The following CENATAC variants were observed in gnomAD, a reference collection of about 807,000 sequenced individuals.
The protein encoded by CENATAC is coiled-coil domain containing 84.
CENATAC carries 53 observed loss-of-function variants against 53.7 expected under a neutral mutation model. The observed-to-expected ratio is 0.99, with a 90% CI of 0.79 to 1.24. The LOEUF is 1.24. Among genes scored for constraint, CENATAC ranks in the 50% most tolerant of loss-of-function variants. CENATAC has a pLI of 0.00. For synonymous variants in CENATAC, 156 were observed against 144.6 expected (o/e 1.08, Z -0.57); for missense variants, 474 against 417.8 (o/e 1.13, Z -1.17).
Position 119,015,374 on chromosome 11 carries a change from G to A in CENATAC, c.873G>A (p.Arg291=), listed in dbSNP as rs1276105829. The change falls in exon 10 of 11, where the codon AGG becomes AGA. Residue 291 remains arginine (R), a synonymous_variant. Transcript: ENST00000334418. ...GGGCCAACTTTGATCACAGCTCCAG[G>A]ACCAGTGCAGGCTGGCTGCCCTCTT... is the stretch of plus-strand genomic sequence containing the variant. The part of the protein sequence containing the change: ...RVGANFDHSS[R]TSAGWLPSFG... 4 of 1,614,202 alleles carry A rather than the reference G, an allele frequency of 2.5e-6. No homozygotes were observed. The highest frequency in any genetic ancestry group is 3.4e-6 in the Non-Finnish European group (4 of 1,180,028).
At chr11:118,999,901 T>A (rs1469938114) in intron 3 of CENATAC, among the ~76,000 whole-genome samples, 1 of 151,978 alleles carries the variant, frequency 6.6e-6, no homozygotes, top group Non-Finnish European at 1.5e-5. Context: ...CTTGGCCTCC[T>A]AAAGTGCTGG....
intron 8 of CENATAC, 39 bp downstream of exon 8, chr11:119,013,301 T>G: frequency 8.9e-7 from 1 of 1,121,222 alleles, no homozygotes; most frequent in Non-Finnish European, 1.2e-6. Flanking sequence ...CCTGGGAGAT[T>G]TTTTTTTTTT....
At chr11:119,015,194 G>A in intron 9 of CENATAC, 111 bp downstream of exon 9, 1 of 1,438,052 alleles carries the variant, frequency 7.0e-7, no homozygotes, top group Non-Finnish European at 9.6e-7. Flanking sequence ...GGGAGGCTGA[G>A]GTGGGAGGGT....
chr11:119,011,533 C>T (rs950148873), intron 5 of CENATAC, among the ~76,000 whole-genome samples: 1 of 152,250 alleles, frequency 6.6e-6, no homozygotes, highest in African/African-American at 2.4e-5. Context: ...GTGCCGCCAC[C>T]ACGCCTGGCT....
intron 4 of CENATAC, 119 bp from the exon 5 acceptor site, chr11:119,011,102 C>A: frequency 1.2e-6 from 1 of 808,676 alleles, no homozygotes; most frequent in Non-Finnish European, 2.0e-6. Context: ...TGCTTCCTGA[C>A]AGGCCACAGA....
intron 5 of CENATAC, among the ~76,000 whole-genome samples, chr11:119,011,639 G>C (rs988284093): frequency 6.6e-6 from 1 of 152,140 alleles, no homozygotes; most frequent in African/African-American, 2.4e-5. Context: ...TCAGCCTGCT[G>C]GAATTACAAG....
chr11:119,013,665 G>A (rs561278716), intron 8 of CENATAC, among the ~76,000 whole-genome samples: 5 of 151,618 alleles, frequency 3.3e-5, no homozygotes, highest in East Asian at 1.9e-4. Context: ...GGGTTTCACC[G>A]TTTTAGCCGG....
intron 3 of CENATAC, chr11:119,010,555 C>G: frequency 1.9e-6 from 1 of 533,244 alleles, no homozygotes; most frequent in South Asian, 3.3e-5. Context: ...TTTGTTTTGG[C>G]AAAAAGGACG....
At chr11:119,011,158 A>G in intron 4 of CENATAC, 63 bp from the exon 5 acceptor site, 1 of 1,394,550 alleles carries the variant, frequency 7.2e-7, no homozygotes. Flanking sequence ...AGTTAAAGGA[A>G]AGGCCTCTGA....
At chr11:119,007,907 C>T (rs1942681973) in intron 3 of CENATAC, among the ~76,000 whole-genome samples, 1 of 152,152 alleles carries the variant, frequency 6.6e-6, no homozygotes, top group Non-Finnish European at 1.5e-5. Context: ...TGGTTTCTTA[C>T]ATAGACAGTG....
chr11:119,015,377 C>A lies in CENATAC; in HGVS notation c.876C>A (p.Thr292=). ...VGANFDHSSR[T]SAGWLPSFGR... Reference sequence around the variant, plus strand: ...CCAACTTTGATCACAGCTCCAGGACCAGTGCAGGCTGGCTGCCCTCTTTTG... The same window carrying A: ...CCAACTTTGATCACAGCTCCAGGACAAGTGCAGGCTGGCTGCCCTCTTTTG... The change falls in exon 10 of 11, where the codon ACC becomes ACA. Residue 292 remains threonine, a synonymous_variant. Coordinates refer to ENST00000334418, the MANE Select transcript of CENATAC (RefSeq NM_198489.3). The A allele has an allele frequency of 6.2e-7, 1 of 1,614,194 alleles. No homozygotes were observed. Among genetic ancestry groups the A allele is most frequent in the Non-Finnish European group, 8.5e-7 (1 of 1,180,026 alleles).
chr11:119,008,610 A>G (rs914257167), intron 3 of CENATAC, among the ~76,000 whole-genome samples: 1 of 152,068 alleles, frequency 6.6e-6, no homozygotes, highest in Non-Finnish European at 1.5e-5. Flanking sequence ...CAAGCAGGAG[A>G]TAGTGGCCTT....
intron 3 of CENATAC, among the ~76,000 whole-genome samples, chr11:119,001,000 A>G (rs965274916): frequency 1.3e-5 from 2 of 152,168 alleles, no homozygotes; most frequent in African/African-American, 2.4e-5. Context: ...CAAACAATTC[A>G]GCTTTTTCTT....
chr11:119,012,252 C>T lies in CENATAC; in HGVS notation c.682C>T (p.Gln228Ter). The T allele has an allele frequency of 6.2e-7, 1 of 1,614,100 alleles. No homozygotes were observed. Among genetic ancestry groups the T allele is most frequent in the Non-Finnish European group, 8.5e-7 (1 of 1,180,014 alleles). Residue 228 changes from glutamine to a stop codon, truncating the protein, a stop_gained and splice_region_variant, in exon 7 of 11, where the codon CAG (glutamine) becomes TAG (stop). Coordinates refer to ENST00000334418, the MANE Select transcript of CENATAC (RefSeq NM_198489.3). LOFTEE classifies it high-confidence loss of function. ...TGPSLTFIGH[Q>*]DIPGVGNIHS... ...ACCATCTCTGACATTCATTGGCCATCAGGTACAAAGGATAAGCAAGCCAGA... is the reference window on the plus strand; with the variant it reads ...ACCATCTCTGACATTCATTGGCCATTAGGTACAAAGGATAAGCAAGCCAGA...
At chr11:119,002,216 C>G (rs1267876135) in intron 3 of CENATAC, among the ~76,000 whole-genome samples, 1 of 106,738 alleles carries the variant, frequency 9.4e-6, no homozygotes, top group Admixed American at 1.2e-4. Context: ...AAGAGCAAAA[C>G]TCTGTCTCAA....
At chr11:119,014,623 T>A (rs1038605787) in intron 8 of CENATAC, 1 of 158,476 alleles carries the variant, frequency 6.3e-6, no homozygotes, top group Admixed American at 6.4e-5. Context: ...CAGAAAATCC[T>A]AAAAAATACA....
rs1247629995 is a variant in CENATAC, at chr11:119,013,276, C to T, written c.715+14C>T. On this transcript the variant is annotated intron_variant, in intron 8 of 10. Coordinates refer to ENST00000334418, the MANE Select transcript of CENATAC (RefSeq NM_198489.3). ...ACATCCACTCAGGTAAGGTCCAGGG[C>T]AGTGTTTTTAAAACCCTGGGAGATT... The T allele has an allele frequency of 1.7e-5, 27 of 1,590,358 alleles. No homozygotes were observed. Among genetic ancestry groups the T allele is most frequent in the Non-Finnish European group, 2.3e-5 (27 of 1,169,502 alleles).
At chr11:119,004,919 G>A (rs1236455985) in intron 3 of CENATAC, 4 of 151,922 alleles carry the variant, frequency 2.6e-5, no homozygotes, top group African/African-American at 9.7e-5. Context: ...TATTAGCCAA[G>A]CATGGTGACA....
chr11:119,015,761 G>A lies in CENATAC; in HGVS notation c.*163G>A. ...TCCAAATGTACAGCTGGTTGGACCT[G>A]TAAAAAAAAATTAAAAGAATCAGAA... On this transcript the variant is annotated 3_prime_UTR_variant, in exon 11 of 11. Coordinates refer to ENST00000334418, the MANE Select transcript of CENATAC (RefSeq NM_198489.3). 1 of 1,283,532 alleles carries A rather than the reference G, an allele frequency of 7.8e-7. No homozygotes were observed. The highest frequency in any genetic ancestry group is 1.1e-6 in the Non-Finnish European group (1 of 895,784). The allele number at this position is 1,283,532 out of a possible 1,614,324, so 79.5% of individuals were successfully genotyped here. A position where few individuals can be genotyped will look rare whatever the true frequency, so the allele number is the denominator to read the frequency against.
Sources: gnomAD v4.1 joint callset for allele counts (sites outside exome capture counted in the v4.1 genomes callset) on GRCh38, gnomAD v4.1.1 for gene constraint, MANE v1.5 for transcripts, NCBI Gene and HGNC (gene_info 2026-07-23, HGNC 2026-07-21) for gene names.